MYO1B: variants seen among roughly 807,000 people sequenced by gnomAD.
MYO1B encodes myosin IB.
Under a neutral mutation model 159.7 loss-of-function variants are expected in MYO1B, and 72 were observed. The ratio of observed to expected loss-of-function variants is 0.45; its 90% CI spans 0.37 to 0.55. The LOEUF (loss-of-function observed/expected upper bound fraction) is 0.55, where lower values mean the gene tolerates loss of function less well. Among genes scored for constraint, MYO1B ranks in the 20% least tolerant of loss-of-function variants. MYO1B has a pLI of 0.00. For synonymous variants in MYO1B, 468 were observed against 473.8 expected (o/e 0.99, Z 0.16); for missense variants, 1,062 against 1,364.8 (o/e 0.78, Z 3.50).
At position 191,252,940 on chromosome 2, in the gene MYO1B, C is replaced by T. The variant is rs187464178; in HGVS notation, c.-10+7314C>T. Among the ~76,000 whole-genome samples, 96 of 152,224 alleles carry T rather than the reference C, an allele frequency of 6.3e-4. 1 individual carries two copies. In the East Asian group the frequency reaches 0.011, roughly 17 times the overall value. ...TCACTATGTCTGATTTATTGTTCTC[C>T]CCTATCTTTTGCCCTTTGCAAATCC... On this transcript the variant is annotated intron_variant, in intron 1 of 30. Transcript: ENST00000392318.
chr2:191,362,405 G>T, intron 9 of MYO1B, 34 bp downstream of exon 9: 3 of 1,480,000 alleles, frequency 2.0e-6, no homozygotes, highest in South Asian at 1.2e-5. Flanking sequence ...GCTTTAAATT[G>T]CATACCACTG....
At chr2:191,363,590 A>T in intron 9 of MYO1B, 138 bp from the exon 10 acceptor site, 1 of 1,179,150 alleles carries the variant, frequency 8.5e-7, no homozygotes, top group Non-Finnish European at 1.1e-6. Flanking sequence ...CTCGAATCAC[A>T]GTTGGAAACC....
intron 3 of MYO1B, among the ~76,000 whole-genome samples, chr2:191,313,885 C>T (rs1286748056): frequency 4.6e-5 from 7 of 152,156 alleles, no homozygotes; most frequent in Non-Finnish European, 1.0e-4. Flanking sequence ...TTGGCCAGTG[C>T]ATAGTCACAT....
chr2:191,371,706 A>G (rs1013686489), intron 13 of MYO1B, among the ~76,000 whole-genome samples: 2 of 152,132 alleles, frequency 1.3e-5, no homozygotes, highest in Non-Finnish European at 2.9e-5. Flanking sequence ...GTTCCCCAGT[A>G]TCTGGAAGTA....
Position 191,424,179 on chromosome 2 carries a change from G to T in MYO1B, c.*219G>T. The T allele has an allele frequency of 1.9e-6, 1 of 518,570 alleles. No individual in the cohort carries two copies. Among genetic ancestry groups the T allele is most frequent in the Non-Finnish European group, 3.3e-6 (1 of 300,138 alleles). The allele number at this position is 518,570 out of a possible 1,614,324, so 32.1% of individuals were successfully genotyped here. ...GAGCAGGATTGTAGAAACTAACAGT[G>T]TCTATTTTCATGTCTGATGTGTTCT... On this transcript the variant is annotated 3_prime_UTR_variant, in exon 31 of 31. Transcript: ENST00000392318.
intron 7 of MYO1B, among the ~76,000 whole-genome samples, chr2:191,351,360 G>A (rs1259745639): frequency 3.9e-5 from 6 of 152,062 alleles, no homozygotes; most frequent in East Asian, 1.9e-4. Context: ...CCAGAATCCC[G>A]GCACTCTCAG....
At chr2:191,270,524 T>C (rs2125718018) in intron 1 of MYO1B, among the ~76,000 whole-genome samples, 1 of 152,306 alleles carries the variant, frequency 6.6e-6, no homozygotes, top group Admixed American at 6.5e-5. Flanking sequence ...GCCTCAATAC[T>C]GTAAAAGCTG....
At chr2:191,383,477 C>CATATATATGTGTGTATATATATAT (rs1379289160) in intron 15 of MYO1B, 135 bp downstream of exon 15, 8 of 8,428 alleles carry the variant, frequency 9.5e-4, no homozygotes, top group African/African-American at 1.2e-3. Flanking sequence ...TATATATACA[C>CATATATATGTGTGTATATATATAT]ACACACATAT....
intron 1 of MYO1B, among the ~76,000 whole-genome samples, chr2:191,273,854 T>A (rs1687599729): frequency 6.6e-6 from 1 of 152,226 alleles, no homozygotes; most frequent in Non-Finnish European, 1.5e-5. Flanking sequence ...AATGTGGAGT[T>A]AGCAAGTGAT....
Position 191,262,026 on chromosome 2 carries a change from C to T in MYO1B, c.-9-14861C>T, listed in dbSNP as rs545198314. Reference sequence around the variant, plus strand: ...AGAGAACCTCTACTTTAGTCTTAAACGCTCCTGTCTCTCTTCCACCTCTGT... The same window carrying T: ...AGAGAACCTCTACTTTAGTCTTAAATGCTCCTGTCTCTCTTCCACCTCTGT... On this transcript the variant is annotated intron_variant, in intron 1 of 30. Coordinates refer to ENST00000392318, the MANE Select transcript of MYO1B (RefSeq NM_001130158.3). Among the ~76,000 whole-genome samples, 14 of 152,238 alleles carry T rather than the reference C, an allele frequency of 9.2e-5. No individual in the cohort carries two copies. The South Asian group carries it at 2.1e-3, about 23-fold the overall frequency.
intron 30 of MYO1B, among the ~76,000 whole-genome samples, chr2:191,423,443 T>A (rs983598866): frequency 6.6e-6 from 1 of 152,204 alleles, no homozygotes; most frequent in African/African-American, 2.4e-5. Flanking sequence ...TAGGTATGTT[T>A]ACATCAGTCA....
chr2:191,295,241 G>A (rs1030216190), intron 2 of MYO1B, among the ~76,000 whole-genome samples: 12 of 152,092 alleles, frequency 7.9e-5, no homozygotes, highest in East Asian at 1.9e-4. Context: ...ACAGTTAAGT[G>A]ACGTTTGCTT....
chr2:191,281,046 C>A (rs557625181), intron 2 of MYO1B, among the ~76,000 whole-genome samples: 1 of 152,198 alleles, frequency 6.6e-6, no homozygotes, highest in Non-Finnish European at 1.5e-5. Flanking sequence ...TGTTTACTTT[C>A]AAATGTAATT....
chr2:191,400,852 T>G lies in MYO1B; in HGVS notation c.2469+17T>G. On this transcript the variant is annotated intron_variant, in intron 23 of 30. Coordinates refer to ENST00000392318, the MANE Select transcript of MYO1B (RefSeq NM_001130158.3). ...GGATCTAAGGTACTTGATGCACATA[T>G]CCCAACACTCCATCCTGGAATTCTG... 1 of 1,608,458 alleles carries G rather than the reference T, an allele frequency of 6.2e-7. No homozygotes were observed. The highest frequency in any genetic ancestry group is 1.7e-5 in the Admixed American group (1 of 59,810).
chr2:191,297,083 T>C (rs187480820), intron 3 of MYO1B, among the ~76,000 whole-genome samples: 66 of 152,376 alleles, frequency 4.3e-4, no homozygotes, highest in East Asian at 3.7e-3. Flanking sequence ...TTTATTCTTA[T>C]GTTACATTTA....
At chr2:191,385,059 G>T (rs1156338148) in intron 15 of MYO1B, among the ~76,000 whole-genome samples, 1 of 152,198 alleles carries the variant, frequency 6.6e-6, no homozygotes, top group East Asian at 1.9e-4. Flanking sequence ...AGTAGGTGGG[G>T]TTGATGGTCA....
At chr2:191,316,750 C>T (rs2125880118) in intron 3 of MYO1B, among the ~76,000 whole-genome samples, 1 of 152,284 alleles carries the variant, frequency 6.6e-6, no homozygotes, top group African/African-American at 2.4e-5. Context: ...AGTGAGGGTC[C>T]TCTGGCATCA....
At chr2:191,345,131 C>T (rs1449708997) in intron 5 of MYO1B, among the ~76,000 whole-genome samples, 2 of 152,172 alleles carry the variant, frequency 1.3e-5, no homozygotes, top group Non-Finnish European at 2.9e-5. Context: ...CCACATTATT[C>T]ATTCTAGCTG....
At chr2:191,309,540 C>T (rs1452231530) in intron 3 of MYO1B, among the ~76,000 whole-genome samples, 1 of 152,176 alleles carries the variant, frequency 6.6e-6, no homozygotes, top group African/African-American at 2.4e-5. Flanking sequence ...ACAAAACCTG[C>T]AGCAACTCCC....
Sources: allele counts gnomAD v4.1 joint callset (sites outside exome capture counted in the v4.1 genomes callset), GRCh38; gene constraint gnomAD v4.1.1; transcripts MANE v1.5; gene names NCBI Gene and HGNC (gene_info 2026-07-23, HGNC 2026-07-21).